The following IPCEF1 variants were observed in gnomAD, a reference collection of about 807,000 sequenced individuals.
The protein encoded by IPCEF1 is interaction protein for cytohesin exchange factors 1.
In IPCEF1, 31 loss-of-function variants were observed where a neutral mutation model predicts 50.9. The ratio of observed to expected loss-of-function variants is 0.61; its 90% CI spans 0.46 to 0.82. The LOEUF is 0.82. Among genes scored for constraint, IPCEF1 ranks in the 40% least tolerant of loss-of-function variants. The pLI is 0.00. For synonymous variants in IPCEF1, 181 were observed against 192.0 expected (o/e 0.94, Z 0.47); for missense variants, 458 against 514.0 (o/e 0.89, Z 1.05).
intron 3 of IPCEF1, among the ~76,000 whole-genome samples, chr6:154,249,273 C>T (rs17214592): frequency 6.6e-6 from 1 of 152,086 alleles, no homozygotes; most frequent in Non-Finnish European, 1.5e-5. Flanking sequence ...TCTCCTGGGA[C>T]CTTTTTTTGA....
intron 10 of IPCEF1, among the ~76,000 whole-genome samples, chr6:154,193,771 T>A (rs1222328681): frequency 1.3e-5 from 2 of 152,182 alleles, no homozygotes; most frequent in African/African-American, 4.8e-5. Context: ...CTGTGACAGG[T>A]CACTTTGGCT....
chr6:154,207,268 C>T (rs995776323), intron 9 of IPCEF1, among the ~76,000 whole-genome samples: 7 of 152,118 alleles, frequency 4.6e-5, no homozygotes, highest in Non-Finnish European at 1.0e-4. Context: ...AATATAAACA[C>T]GAATTTTAGC....
At position 154,229,499 on chromosome 6, in the gene IPCEF1, G is replaced by A. The variant is rs4304180; in HGVS notation, c.247-6256C>T. On this transcript the variant is annotated intron_variant, in intron 5 of 11. Coordinates refer to ENST00000367220, the MANE Select transcript of IPCEF1 (RefSeq NM_001130700.2). ...CGAGTAGCTGGGACTACAGGCACCC[G>A]CCACCACACCCGGCTCATTTTTTGT... is the stretch of plus-strand genomic sequence containing the variant. Among the ~76,000 whole-genome samples, 11 of 151,476 alleles carry A rather than the reference G, an allele frequency of 7.3e-5. No homozygotes were observed. The East Asian group carries it at 7.8e-4, about 11-fold the overall frequency.
At chr6:154,208,491 T>A (rs1354529381) in intron 9 of IPCEF1, among the ~76,000 whole-genome samples, 1 of 152,196 alleles carries the variant, frequency 6.6e-6, no homozygotes, top group African/African-American at 2.4e-5. Context: ...TATATTTTCC[T>A]TATTATGTGG....
At chr6:154,218,375 A>C (rs1441589285) in intron 7 of IPCEF1, among the ~76,000 whole-genome samples, 3 of 152,120 alleles carry the variant, frequency 2.0e-5, no homozygotes, top group Non-Finnish European at 2.9e-5. Context: ...TTAAATTGAG[A>C]CTCACTACAG....
At chr6:154,315,831 T>G (rs1340530747) in intron 1 of IPCEF1, among the ~76,000 whole-genome samples, 4 of 151,806 alleles carry the variant, frequency 2.6e-5, no homozygotes, top group African/African-American at 9.7e-5. Context: ...GCAATTTTTT[T>G]TGGGGGGGAG....
chr6:154,292,313 G>T (rs1214262521), intron 1 of IPCEF1, among the ~76,000 whole-genome samples: 1 of 152,152 alleles, frequency 6.6e-6, no homozygotes, highest in African/African-American at 2.4e-5. Flanking sequence ...CACATAACAG[G>T]TTGGATTAAT....
At chr6:154,315,757 T>C (rs1411814624) in intron 1 of IPCEF1, among the ~76,000 whole-genome samples, 1 of 152,142 alleles carries the variant, frequency 6.6e-6, no homozygotes, top group Non-Finnish European at 1.5e-5. Context: ...ATTTGAAGTT[T>C]TAAATATTGA....
At chr6:154,305,599 G>A (rs774082071) in intron 1 of IPCEF1, among the ~76,000 whole-genome samples, 1 of 152,152 alleles carries the variant, frequency 6.6e-6, no homozygotes, top group Non-Finnish European at 1.5e-5. Context: ...AATATTATGT[G>A]TCAACTGGAT....
chr6:154,167,574 G>A (rs995645238), intron 11 of IPCEF1, among the ~76,000 whole-genome samples: 6 of 152,250 alleles, frequency 3.9e-5, no homozygotes, highest in African/African-American at 1.2e-4. Flanking sequence ...GATGATCTCT[G>A]TCTCTCATCA....
intron 3 of IPCEF1, among the ~76,000 whole-genome samples, chr6:154,264,802 A>C (rs1781712450): frequency 6.6e-6 from 1 of 152,188 alleles, no homozygotes; most frequent in Admixed American, 6.5e-5. Flanking sequence ...CATTGTTAGC[A>C]AGTCAAGCAA....
At chr6:154,337,386 G>A (rs948038432) in intron 1 of IPCEF1, among the ~76,000 whole-genome samples, 2 of 152,156 alleles carry the variant, frequency 1.3e-5, no homozygotes. Flanking sequence ...AAGAGGTACC[G>A]CCTTTCCATG....
At chr6:154,259,648 G>T (rs1435820870) in intron 3 of IPCEF1, among the ~76,000 whole-genome samples, 1 of 151,872 alleles carries the variant, frequency 6.6e-6, no homozygotes, top group Non-Finnish European at 1.5e-5. Context: ...GCGAAACTCT[G>T]TCTAAAAATA....
intron 1 of IPCEF1, among the ~76,000 whole-genome samples, chr6:154,321,937 A>G (rs1261728588): frequency 6.6e-6 from 1 of 152,102 alleles, no homozygotes; most frequent in African/African-American, 2.4e-5. Context: ...GTAGACCAGG[A>G]TCTCTCATGA....
chr6:154,296,215 C>A (rs192491223), intron 1 of IPCEF1, among the ~76,000 whole-genome samples: 1 of 152,206 alleles, frequency 6.6e-6, no homozygotes, highest in East Asian at 1.9e-4. Context: ...AAGGGGTGCT[C>A]TTGTTGGGTT....
At chr6:154,177,601 G>A (rs1362088433) in intron 10 of IPCEF1, among the ~76,000 whole-genome samples, 4 of 152,116 alleles carry the variant, frequency 2.6e-5, no homozygotes, top group Admixed American at 6.6e-5. Flanking sequence ...ACCATCTCAC[G>A]CCAGTTAGAA....
chr6:154,330,319 T>C (rs573053668), intron 1 of IPCEF1, among the ~76,000 whole-genome samples: 94 of 145,002 alleles, frequency 6.5e-4, no homozygotes, highest in African/African-American at 2.2e-3. Flanking sequence ...TCTACAATTA[T>C]AGCCTCTTTT....
At chr6:154,229,897 C>T (rs1779590476) in intron 5 of IPCEF1, among the ~76,000 whole-genome samples, 2 of 152,160 alleles carry the variant, frequency 1.3e-5, no homozygotes, top group Admixed American at 1.3e-4. Context: ...AAGGAGCAAA[C>T]CAGTGACGCT....
chr6:154,161,455 C>G (rs560796771), intron 11 of IPCEF1, among the ~76,000 whole-genome samples: 3 of 152,222 alleles, frequency 2.0e-5, no homozygotes, highest in Admixed American at 1.3e-4. Flanking sequence ...TCAAGTGATA[C>G]ACCCACCTCA....
Sources: allele counts gnomAD v4.1 joint callset (sites outside exome capture counted in the v4.1 genomes callset), GRCh38; gene constraint gnomAD v4.1.1; transcripts MANE v1.5; gene names NCBI Gene and HGNC (gene_info 2026-07-23, HGNC 2026-07-21).